STK4: variants seen among roughly 807,000 people sequenced by gnomAD.
STK4 encodes serine/threonine-protein kinase 4.
A neutral mutation model predicts 64.9 loss-of-function variants in STK4; 30 were observed. The ratio of observed to expected loss-of-function variants is 0.46; its 90% CI spans 0.35 to 0.63. The LOEUF (loss-of-function observed/expected upper bound fraction) is 0.63, where lower values mean the gene tolerates loss of function less well. Ranked by LOEUF, STK4 falls within the 20% of genes least tolerant of loss-of-function variation. The pLI is 0.01. For synonymous variants in STK4, 177 were observed against 199.0 expected, an observed-to-expected ratio of 0.89 and a Z score of 0.93; for missense variants, 466 against 598.5, an observed-to-expected ratio of 0.78 and a Z score of 2.31.
In STK4 at chr20:44,995,144, G is replaced by A; in HGVS notation, c.580G>A (p.Glu194Lys). 1 of 1,613,956 alleles carries A rather than the reference G, an allele frequency of 6.2e-7. No individual in the cohort carries two copies. The highest frequency in any genetic ancestry group is 8.5e-7 in the Non-Finnish European group (1 of 1,179,940). The change falls in exon 6 of 11, where the codon GAA becomes AAA. Residue 194 changes from glutamate to lysine, a missense_variant. Glu to Lys is a moderately conservative substitution (Grantham distance 56). Transcript: ENST00000372806. ...VIGTPFWMAP[E>K]VIQEIGYNCV... is the part of the protein sequence containing the mutation. ...AGGAACACCATTTTGGATGGCTCCA[G>A]AAGTGATTCAGGAAATTGGATACAA...
intron 6 of STK4, among the ~76,000 whole-genome samples, chr20:44,995,865 CA>C (rs2067721456): frequency 6.6e-6 from 1 of 152,140 alleles, no homozygotes; most frequent in Non-Finnish European, 1.5e-5. Flanking sequence ...GTCACTCACT[CA>C]TTTTGAATAG....
chr20:44,989,195 T>G (rs191532646), intron 5 of STK4, among the ~76,000 whole-genome samples: 5 of 152,326 alleles, frequency 3.3e-5, no homozygotes, highest in African/African-American at 9.6e-5. Flanking sequence ...GCCAAACTGT[T>G]TTCCAAAGTG....
At chr20:45,052,288 CAAT>C (rs2068788721) in intron 10 of STK4, among the ~76,000 whole-genome samples, 1 of 152,022 alleles carries the variant, frequency 6.6e-6, no homozygotes, top group African/African-American at 2.4e-5. Context: ...CCCCCCCCAG[CAAT>C]AATAATTACA....
rs564475751 is a variant in STK4, at chr20:45,074,612, T to TA, written c.1306-405dup. Among the ~76,000 whole-genome samples the TA allele has an allele frequency of 1.8e-4, 28 of 152,256 alleles. No individual in the cohort carries two copies. In the South Asian group the frequency reaches 5.8e-3, roughly 32 times the overall value. ...GAAAGTGGGAAAGGCGCTGTCCAGA[T>TA]AGACGCTTATCTCGTAGACAGAACA... is the stretch of plus-strand genomic sequence containing the variant. On this transcript the variant is annotated intron_variant, in intron 10 of 10. Transcript: ENST00000372806.
At chr20:44,971,999 T>TTA in intron 1 of STK4, 79 bp from the exon 2 acceptor site, 5 of 1,384,398 alleles carry the variant, frequency 3.6e-6, no homozygotes, top group Non-Finnish European at 5.1e-6. Context: ...GAGATGCTAA[T>TTA]TATAAAAAAA....
intron 10 of STK4, among the ~76,000 whole-genome samples, chr20:45,070,292 G>T (rs188139381): frequency 6.6e-6 from 1 of 152,158 alleles, no homozygotes; most frequent in Non-Finnish European, 1.5e-5. Context: ...ATTCATTTCT[G>T]TGTTTTTAAT....
intron 10 of STK4, among the ~76,000 whole-genome samples, chr20:45,069,436 T>G (rs530901034): frequency 6.6e-6 from 1 of 152,238 alleles, no homozygotes; most frequent in Non-Finnish European, 1.5e-5. Flanking sequence ...GTATTTCTTA[T>G]AACAGAAGTT....
rs2068132968 is a variant in STK4, at chr20:45,015,914, G to A, written c.1148-9059G>A. On this transcript the variant is annotated intron_variant, in intron 9 of 10. Transcript: ENST00000372806. ...TATGAGAGTGTTTTTTTCATTGGAC[G>A]TAAACATTTCTTCAACAGTGCTACT... is the stretch of plus-strand genomic sequence containing the variant. Among the ~76,000 whole-genome samples the A allele has an allele frequency of 2.6e-5, 4 of 152,066 alleles. No individual in the cohort carries two copies. In the South Asian group the frequency reaches 6.2e-4, roughly 24 times the overall value.
intron 10 of STK4, among the ~76,000 whole-genome samples, chr20:45,064,939 A>G (rs949537451): frequency 2.6e-5 from 4 of 152,092 alleles, no homozygotes; most frequent in African/African-American, 9.7e-5. Context: ...GATGTCTTGT[A>G]TTTCTTTCTC....
intron 3 of STK4, among the ~76,000 whole-genome samples, chr20:44,981,173 G>C (rs1166436614): frequency 6.7e-6 from 1 of 148,996 alleles, no homozygotes; most frequent in Non-Finnish European, 1.5e-5. Flanking sequence ...TGTTTTTTTT[G>C]AGATGGAGTC....
chr20:45,034,717 G>C (rs1016761985), intron 10 of STK4, among the ~76,000 whole-genome samples: 2 of 152,008 alleles, frequency 1.3e-5, no homozygotes, highest in African/African-American at 4.8e-5. Context: ...TTTGAGATCA[G>C]CCTAAGTATC....
intron 7 of STK4, among the ~76,000 whole-genome samples, chr20:44,998,001 C>T (rs1157387551): frequency 1.3e-5 from 2 of 152,158 alleles, no homozygotes; most frequent in African/African-American, 2.4e-5. Context: ...GTAAGTAGCA[C>T]AGTCAGTATT....
At chr20:44,973,024 CGTGTTTGT>C (rs2067278154) in intron 2 of STK4, 2 of 151,736 alleles carry the variant, frequency 1.3e-5, no homozygotes, top group East Asian at 3.9e-4. Context: ...AGCGCACACT[CGTGTTTGT>C]GTGTGTGTGT....
Position 44,995,101 on chromosome 20 carries a change from C to T in STK4, c.537C>T (p.Ala179=). The change falls in exon 6 of 11, where the codon GCC becomes GCT. Residue 179 remains alanine (A), a synonymous_variant. Coordinates refer to ENST00000372806, the MANE Select transcript of STK4 (RefSeq NM_006282.5). ...GVAGQLTDTM[A]KRNTVIGTPF... is the part of the protein sequence containing the mutation. ...CCTTTCTATTTTAGGATACCATGGC[C>T]AAGCGGAATACAGTGATAGGAACAC... is the stretch of plus-strand genomic sequence containing the variant. The T allele has an allele frequency of 6.2e-7, 1 of 1,601,332 alleles. No individual in the cohort carries two copies. The highest frequency in any genetic ancestry group is 8.5e-7 in the Non-Finnish European group (1 of 1,173,630).
At chr20:45,002,781 A>G (rs962425139) in intron 9 of STK4, among the ~76,000 whole-genome samples, 2 of 152,148 alleles carry the variant, frequency 1.3e-5, no homozygotes, top group African/African-American at 4.8e-5. Context: ...AAAAGTATTC[A>G]TTTTTAAGGC....
At chr20:44,993,932 TTG>T (rs1050312590) in intron 5 of STK4, among the ~76,000 whole-genome samples, 4 of 151,774 alleles carry the variant, frequency 2.6e-5, no homozygotes, top group African/African-American at 9.7e-5. Context: ...TGAGCCAAGA[TTG>T]TGCCTCTTCA....
intron 9 of STK4, among the ~76,000 whole-genome samples, chr20:45,012,250 GGTCTCGATCTCCT>G (rs1173492977): frequency 1.3e-5 from 2 of 152,048 alleles, no homozygotes; most frequent in African/African-American, 4.8e-5. Context: ...TGGCCAGGAT[GGTCTCGATCTCCT>G]GACCTCGTGA....
chr20:45,004,317 A>G (rs535244965), intron 9 of STK4: 2 of 152,204 alleles, frequency 1.3e-5, no homozygotes, highest in East Asian at 3.9e-4. Flanking sequence ...GCTGGTCTTG[A>G]ACTCTTGACC....
At chr20:44,970,064 CG>C (rs2067216650) in intron 1 of STK4, among the ~76,000 whole-genome samples, 1 of 151,728 alleles carries the variant, frequency 6.6e-6, no homozygotes. Flanking sequence ...TTAATAGCCC[CG>C]GATCAAAAAC....
Sources: gnomAD v4.1 joint callset for allele counts (sites outside exome capture counted in the v4.1 genomes callset) on GRCh38, gnomAD v4.1.1 for gene constraint, MANE v1.5 for transcripts, NCBI Gene and HGNC (gene_info 2026-07-23, HGNC 2026-07-21) for gene names.